The following CFAP54 variants were observed in gnomAD, a reference collection of about 807,000 sequenced individuals.
CFAP54 encodes cilia and flagella associated protein 54.
A neutral mutation model predicts 370.4 loss-of-function variants in CFAP54; 290 were observed. The ratio of observed to expected loss-of-function variants is 0.78; its 90% CI spans 0.71 to 0.86. The LOEUF (loss-of-function observed/expected upper bound fraction) is 0.86. Among genes scored for constraint, CFAP54 ranks in the 40% least tolerant of loss-of-function variants. The pLI, the probability that CFAP54 is intolerant of heterozygous loss-of-function variation, is 0.00. For missense variants in CFAP54, 3,399 were observed against 3,528.7 expected (o/e 0.96, Z 0.93); for synonymous variants, 1,206 against 1,236.5 (o/e 0.98, Z 0.52).
intron 38 of CFAP54, among the ~76,000 whole-genome samples, chr12:96,662,905 C>T (rs1334373158): frequency 1.3e-5 from 2 of 152,084 alleles, no homozygotes; most frequent in Non-Finnish European, 2.9e-5. Context: ...TGCTCTATGT[C>T]TCTCTAGAGC....
At chr12:96,740,101 T>C (rs1254012826) in intron 51 of CFAP54, 40 bp downstream of exon 51, 1 of 1,091,582 alleles carries the variant, frequency 9.2e-7, no homozygotes. Context: ...ATACTTATCA[T>C]ATAAGAACTA....
chr12:96,812,052 C>G (rs960612392), intron 64 of CFAP54, among the ~76,000 whole-genome samples: 8 of 152,172 alleles, frequency 5.3e-5, no homozygotes, highest in African/African-American at 1.9e-4. Flanking sequence ...AGTTGTGCCC[C>G]TTATTACCTT....
chr12:96,728,464 C>T (rs1291580708), intron 50 of CFAP54, among the ~76,000 whole-genome samples: 3 of 152,158 alleles, frequency 2.0e-5, no homozygotes, highest in African/African-American at 4.8e-5. Context: ...TCCAGTTGAT[C>T]GCATCAGCTC....
In CFAP54 at chr12:96,720,538, C is replaced by T. The variant is rs1957738898; in HGVS notation, c.6938C>T (p.Ala2313Val). 7 of 1,576,114 alleles carry T rather than the reference C, an allele frequency of 4.4e-6. No homozygotes were observed. In the East Asian group the frequency reaches 1.6e-4, roughly 37 times the overall value. ...VEARLQLAAVALQRHRAAYSA... is the reference protein window; with the variant it reads ...VEARLQLAAVVLQRHRAAYSA... ...GCCCGGCTTCAGCTGGCTGCAGTTG[C>T]TCTGCAGAGGCACCGGGCGGCATAC... The change falls in exon 50 of 68, where the codon GCT (alanine) becomes GTT (valine). Residue 2313 changes from alanine (A) to valine (V), a missense_variant. By Grantham distance (64) the Ala-to-Val change is moderately conservative. Around this residue, in one of 3 missense-constraint regions of CFAP54, gnomAD observed 2,796 missense variants for 2,869.7 expected, o/e 0.97. Coordinates refer to ENST00000524981, the MANE Select transcript of CFAP54 (RefSeq NM_001306084.2).
chr12:96,522,933 G>A (rs568183635), intron 8 of CFAP54, among the ~76,000 whole-genome samples: 2 of 152,310 alleles, frequency 1.3e-5, no homozygotes, highest in South Asian at 4.1e-4. Flanking sequence ...GCAAACAGTA[G>A]TAAAGATGAT....
At chr12:96,730,750 C>A (rs529762063) in intron 50 of CFAP54, among the ~76,000 whole-genome samples, 1 of 151,992 alleles carries the variant, frequency 6.6e-6, no homozygotes, top group Non-Finnish European at 1.5e-5. Flanking sequence ...ATATGTTTCC[C>A]AAAGGGGAAA....
At chr12:96,563,971 T>G (rs543798070) in intron 17 of CFAP54, among the ~76,000 whole-genome samples, 1 of 152,318 alleles carries the variant, frequency 6.6e-6, no homozygotes, top group East Asian at 1.9e-4. Flanking sequence ...AGTTCATGTT[T>G]TAGTTCAAAA....
intron 52 of CFAP54, 79 bp downstream of exon 52, chr12:96,742,665 T>C (rs1958065836): frequency 1.5e-6 from 2 of 1,313,276 alleles, no homozygotes; most frequent in African/African-American, 3.0e-5. Flanking sequence ...GGATATATTT[T>C]ATTATGTTAA....
At chr12:96,735,162 C>T (rs1957964138) in intron 50 of CFAP54, among the ~76,000 whole-genome samples, 2 of 152,134 alleles carry the variant, frequency 1.3e-5, no homozygotes, top group South Asian at 4.1e-4. Flanking sequence ...GAAAGACATG[C>T]TCCCCACGGA....
chr12:96,666,771 C>T (rs1052531682), intron 39 of CFAP54, among the ~76,000 whole-genome samples: 2 of 152,096 alleles, frequency 1.3e-5, no homozygotes, highest in South Asian at 2.1e-4. Context: ...TGCCCCTGAC[C>T]CCTCCCAAAT....
chr12:96,659,318 G>C (rs2136514948), intron 38 of CFAP54, among the ~76,000 whole-genome samples: 1 of 152,256 alleles, frequency 6.6e-6, no homozygotes, highest in East Asian at 1.9e-4. Flanking sequence ...ATTTTTAGTA[G>C]AGACAGGGTT....
At chr12:96,534,848 T>A (rs1403445905) in intron 11 of CFAP54, among the ~76,000 whole-genome samples, 2 of 152,164 alleles carry the variant, frequency 1.3e-5, no homozygotes, top group Non-Finnish European at 1.5e-5. Flanking sequence ...TGAATCAATA[T>A]TTTTATTATT....
intron 62 of CFAP54, among the ~76,000 whole-genome samples, chr12:96,789,089 A>G (rs1163178027): frequency 1.3e-5 from 2 of 152,216 alleles, no homozygotes; most frequent in Non-Finnish European, 2.9e-5. Flanking sequence ...ACCAAAGTAG[A>G]CAGATTTTCC....
chr12:96,534,323 A>G lies in CFAP54; in HGVS notation c.1705+96A>G. The G allele has an allele frequency of 4.3e-6, 3 of 702,234 alleles. No individual in the cohort carries two copies. In the South Asian group the frequency reaches 6.3e-5, roughly 15 times the overall value. 43.5% of individuals were successfully genotyped at this position (702,234 alleles called of 1,614,324 possible). On this transcript the variant is annotated intron_variant, in intron 11 of 67. Coordinates refer to ENST00000524981, the MANE Select transcript of CFAP54 (RefSeq NM_001306084.2). The stretch of plus-strand genomic sequence containing the variant: ...AAAGGATGTTGAAGGCGGAGGGAGC[A>G]AGAGGTACAAAGGCCCTGAGACAAG...
chr12:96,658,486 C>T, intron 38 of CFAP54, 140 bp downstream of exon 38: 1 of 1,076,188 alleles, frequency 9.3e-7, no homozygotes, highest in South Asian at 1.6e-5. Context: ...TCATTCAAAT[C>T]AACAAACATT....
intron 58 of CFAP54, among the ~76,000 whole-genome samples, chr12:96,758,472 T>C (rs1958291964): frequency 1.3e-5 from 2 of 152,152 alleles, no homozygotes; most frequent in African/African-American, 4.8e-5. Flanking sequence ...GAGAACAGTA[T>C]GGGAGAAACT....
At position 96,817,867 on chromosome 12, in the gene CFAP54, T is replaced by C; in HGVS notation, c.9050T>C (p.Ile3017Thr). Residue 3017 changes from isoleucine to threonine, a missense_variant, in exon 65 of 68, where the codon ATA becomes ACA. Transcript: ENST00000524981. ...CCTGAAATTACCTCAAATGAAAACA[T>C]ATATGAAGTAGAAGTGGAAGAGGAA... Reference protein sequence around the residue: ...AAPEITSNENIYEVEVEEESV... With the variant: ...AAPEITSNENTYEVEVEEESV... The C allele has an allele frequency of 6.6e-7, 1 of 1,511,746 alleles. No homozygotes were observed. Among genetic ancestry groups the C allele is most frequent in the Non-Finnish European group, 8.8e-7 (1 of 1,133,490 alleles). The allele number at this position is 1,511,746 out of a possible 1,614,324, so 93.6% of individuals were successfully genotyped here.
chr12:96,703,821 G>A (rs1592716551), intron 46 of CFAP54, among the ~76,000 whole-genome samples: 1 of 152,126 alleles, frequency 6.6e-6, no homozygotes, highest in East Asian at 1.9e-4. Context: ...AATTGAGCCA[G>A]ACTCTTTCAA....
chr12:96,585,670 C>G (rs993399590), intron 22 of CFAP54, among the ~76,000 whole-genome samples: 1 of 152,166 alleles, frequency 6.6e-6, no homozygotes, highest in African/African-American at 2.4e-5. Context: ...GGCCCCACAT[C>G]TGGGCAGGAT....
Sources: allele counts gnomAD v4.1 joint callset (sites outside exome capture counted in the v4.1 genomes callset), GRCh38; gene constraint gnomAD v4.1.1; regional missense constraint gnomAD v4.1.1; transcripts MANE v1.5; gene names NCBI Gene and HGNC (gene_info 2026-07-23, HGNC 2026-07-21).